Variants in BLTP1 observed in about 807,000 individuals in gnomAD.
The protein encoded by BLTP1 is bridge-like lipid transfer protein family member 1.
chr4:122,347,340 A>C, the BLTP1 span: 3 of 846,976 alleles, frequency 3.5e-6, no homozygotes, highest in South Asian at 1.6e-4. Flanking sequence ...CTTTTCATGG[A>C]GTTTAAACAA....
the BLTP1 span, chr4:122,315,757 A>G: frequency 1.1e-5 from 15 of 1,394,960 alleles, no homozygotes; most frequent in Non-Finnish European, 1.4e-5. Flanking sequence ...TTTTTTGTTC[A>G]GTGTTATTTA....
chr4:122,229,627 A>G, the BLTP1 span: 8 of 715,652 alleles, frequency 1.1e-5, no homozygotes, highest in Non-Finnish European at 1.0e-5. Flanking sequence ...ATTGTAGTGC[A>G]AAATCAAGCC....
chr4:122,349,502 T>C, the BLTP1 span: 1 of 1,606,716 alleles, frequency 6.2e-7, no homozygotes, highest in Non-Finnish European at 8.5e-7. This position sits in a 1 kb window ranked among gnomAD's most constrained non-coding sequence, Gnocchi z 4.5. Flanking sequence ...TTCAGATTAC[T>C]ATGGGTTCTA....
At chr4:122,203,975 G>C in the BLTP1 span, 2 of 285,950 alleles carry the variant, frequency 7.0e-6, no homozygotes, top group Admixed American at 1.3e-4. Flanking sequence ...TATTTCACTA[G>C]CAATCGTATC....
the BLTP1 span, among the ~76,000 whole-genome samples, chr4:122,324,966 A>C: frequency 6.6e-6 from 1 of 152,002 alleles, no homozygotes; most frequent in Non-Finnish European, 1.5e-5. Flanking sequence ...ATTTTATTGA[A>C]GTGAATACAG....
chr4:122,224,816 A>G, the BLTP1 span: 3 of 1,553,552 alleles, frequency 1.9e-6, no homozygotes, highest in African/African-American at 1.4e-5. Flanking sequence ...CATTCTTGCC[A>G]TTCAGAATTT....
the BLTP1 span, among the ~76,000 whole-genome samples, chr4:122,338,791 C>T: frequency 2.0e-5 from 3 of 152,160 alleles, no homozygotes; most frequent in East Asian, 5.8e-4. Context: ...ATTGGACCAG[C>T]ACAGTTCAAA....
At chr4:122,190,103 G>GT in the BLTP1 span, 57 of 1,609,462 alleles carry the variant, frequency 3.5e-5, no homozygotes, top group Middle Eastern at 1.6e-4. Context: ...TGTTGTTGCT[G>GT]TTTTTTTTAA....
At chr4:122,187,503 T>A in the BLTP1 span, 2 of 1,612,102 alleles carry the variant, frequency 1.2e-6, no homozygotes, top group Non-Finnish European at 1.7e-6. Flanking sequence ...TAAAGGTCAA[T>A]GTGAGCACAG....
At chr4:122,191,289 T>G in the BLTP1 span, among the ~76,000 whole-genome samples, 9 of 151,482 alleles carry the variant, frequency 5.9e-5, no homozygotes, top group Non-Finnish European at 1.2e-4. Context: ...TTTCATGGAG[T>G]GCCAGTTTTA....
At chr4:122,215,435 CAT>C in the BLTP1 span, 1 of 985,302 alleles carries the variant, frequency 1.0e-6, no homozygotes, top group Non-Finnish European at 1.2e-6. Flanking sequence ...TTTGTTGGTA[CAT>C]GTTAGTATGC....
chr4:122,299,054 A>T, the BLTP1 span: 1 of 984,938 alleles, frequency 1.0e-6, no homozygotes, highest in Non-Finnish European at 1.2e-6. Flanking sequence ...GCTTGCTAGG[A>T]TCCACATATA....
chr4:122,167,028 G>A, the BLTP1 span, among the ~76,000 whole-genome samples: 1 of 152,048 alleles, frequency 6.6e-6, no homozygotes, highest in African/African-American at 2.4e-5. Context: ...CCTTAGTTGT[G>A]GAATCAGCCA....
chr4:122,223,211 A>G, the BLTP1 span: 2 of 927,854 alleles, frequency 2.2e-6, no homozygotes, highest in Non-Finnish European at 2.6e-6. Context: ...TTTTTAAAAA[A>G]AGTTTCTTAT....
the BLTP1 span, chr4:122,202,462 A>G: frequency 7.1e-6 from 2 of 279,968 alleles, no homozygotes; most frequent in Non-Finnish European, 1.1e-5. Flanking sequence ...GAGAGGTAAA[A>G]CAGTATGTCC....
the BLTP1 span, chr4:122,219,638 C>A: frequency 9.5e-7 from 1 of 1,052,446 alleles, no homozygotes; most frequent in Non-Finnish European, 1.4e-6. Flanking sequence ...GTGAAGCATT[C>A]AGCACACACT....
chr4:122,186,996 C>A, the BLTP1 span: 1,618 of 984,352 alleles, frequency 1.6e-3, 1 homozygote, highest in Non-Finnish European at 1.8e-3. Context: ...GGAAGAGGAG[C>A]AACTGGATTG....
chr4:122,311,221 T>C, the BLTP1 span, among the ~76,000 whole-genome samples: 1 of 152,086 alleles, frequency 6.6e-6, no homozygotes, highest in Non-Finnish European at 1.5e-5. Context: ...CATTAAAAAA[T>C]GAACAAATAA....
the BLTP1 span, among the ~76,000 whole-genome samples, chr4:122,217,946 T>A: frequency 0.036 from 5,466 of 152,214 alleles, 345 homozygotes; most frequent in African/African-American, 0.12. Context: ...TCTAGGAGGG[T>A]TGCATATTTC....
Sources: allele counts gnomAD v4.1 joint callset (sites outside exome capture counted in the v4.1 genomes callset), GRCh38; gene constraint gnomAD v4.1.1; non-coding constraint Gnocchi (gnomAD v3.1); transcripts MANE v1.5; gene names NCBI Gene and HGNC (gene_info 2026-07-23, HGNC 2026-07-21).